Variants in BRD10 observed in about 807,000 individuals in gnomAD.
BRD10 encodes the protein bromodomain containing 10, also known as uncharacterized bromodomain-containing protein 10.
At chr9:5,898,503 TACAC>T in the BRD10 span, among the ~76,000 whole-genome samples, 1 of 152,196 alleles carries the variant, frequency 6.6e-6, no homozygotes, top group Non-Finnish European at 1.5e-5. Flanking sequence ...AAGTTTCCAA[TACAC>T]GAATTTTGGG....
chr9:5,947,248 C>T, the BRD10 span, among the ~76,000 whole-genome samples: 4 of 152,012 alleles, frequency 2.6e-5, no homozygotes, highest in Non-Finnish European at 5.9e-5. Context: ...CTTAATAAAA[C>T]AGTTTTTTGT....
the BRD10 span, among the ~76,000 whole-genome samples, chr9:5,914,407 ATGGTTTTTTTTTTTTT>A: frequency 1.9e-5 from 2 of 104,920 alleles, no homozygotes; most frequent in African/African-American, 6.7e-5. Flanking sequence ...ACAAATCCAG[ATGGTTTTTTTTTTTTT>A]TTTTTTTTTT....
chr9:6,007,471 C>G, the BRD10 span: 1 of 1,610,864 alleles, frequency 6.2e-7, no homozygotes, highest in Middle Eastern at 1.7e-4. Context: ...GGCAACGCCC[C>G]CCAAGGGCTG....
the BRD10 span, among the ~76,000 whole-genome samples, chr9:5,993,613 G>A: frequency 3.9e-5 from 6 of 152,114 alleles, no homozygotes; most frequent in African/African-American, 4.8e-5. Context: ...CCCAGAGAGC[G>A]GTGACTGTAG....
chr9:5,922,757 T>C, the BRD10 span: 1 of 1,613,898 alleles, frequency 6.2e-7, no homozygotes, highest in African/African-American at 1.3e-5. Flanking sequence ...TACAGAGCTA[T>C]TTTGAAGATC....
chr9:6,005,067 T>C, the BRD10 span, among the ~76,000 whole-genome samples: 24 of 152,316 alleles, frequency 1.6e-4, 1 homozygote, highest in African/African-American at 5.8e-4. Context: ...TAAACTACAA[T>C]GTTGTAAGTT....
chr9:5,977,028 T>C, the BRD10 span, among the ~76,000 whole-genome samples: 4 of 152,238 alleles, frequency 2.6e-5, no homozygotes, highest in African/African-American at 9.6e-5. Context: ...ATTTCACAAA[T>C]TATTTACCTG....
At chr9:5,963,345 C>T in the BRD10 span, among the ~76,000 whole-genome samples, 2 of 45,736 alleles carry the variant, frequency 4.4e-5, no homozygotes, top group Non-Finnish European at 1.1e-4. Flanking sequence ...ATCCAACTTA[C>T]AAGGGATGTG....
At chr9:6,001,999 T>C in the BRD10 span, among the ~76,000 whole-genome samples, 5 of 152,206 alleles carry the variant, frequency 3.3e-5, no homozygotes, top group Non-Finnish European at 7.4e-5. Flanking sequence ...TTTTAAACCT[T>C]TTAGATGTCC....
At chr9:5,996,728 T>A in the BRD10 span, among the ~76,000 whole-genome samples, 4 of 152,206 alleles carry the variant, frequency 2.6e-5, no homozygotes, top group Non-Finnish European at 4.4e-5. Flanking sequence ...AAGTTTTTAT[T>A]TACAGACAAA....
At chr9:5,923,013 G>A in the BRD10 span, 1 of 1,613,948 alleles carries the variant, frequency 6.2e-7, no homozygotes, top group Non-Finnish European at 8.5e-7. Flanking sequence ...GTAGACACTG[G>A]TACTGAATCC....
chr9:5,901,803 T>G, the BRD10 span, among the ~76,000 whole-genome samples: 2 of 152,216 alleles, frequency 1.3e-5, no homozygotes, highest in African/African-American at 4.8e-5. Flanking sequence ...ATTACAGGCG[T>G]GAGCCACCAC....
the BRD10 span, among the ~76,000 whole-genome samples, chr9:5,977,002 G>C: frequency 2.6e-5 from 4 of 152,198 alleles, no homozygotes; most frequent in East Asian, 1.9e-4. Context: ...CCAATATAAA[G>C]ATTGGTGATA....
At chr9:5,951,347 A>C in the BRD10 span, among the ~76,000 whole-genome samples, 6 of 151,900 alleles carry the variant, frequency 3.9e-5, no homozygotes, top group East Asian at 9.6e-4. Context: ...AAAACTTCAC[A>C]ATTTAACCCT....
At chr9:5,968,175 T>G in the BRD10 span, 1 of 1,609,126 alleles carries the variant, frequency 6.2e-7, no homozygotes, top group Admixed American at 1.7e-5. Flanking sequence ...TTTTTCTTTT[T>G]CTTCTTTTTT....
chr9:5,946,647 C>CT, the BRD10 span, among the ~76,000 whole-genome samples: 37,038 of 151,892 alleles, frequency 0.24, 4,684 homozygotes, highest in South Asian at 0.37. Context: ...GGCTATACCT[C>CT]TTTCACCGAA....
At chr9:6,007,328 T>C in the BRD10 span, 5 of 1,613,824 alleles carry the variant, frequency 3.1e-6, no homozygotes, top group Non-Finnish European at 4.2e-6. Flanking sequence ...AACTCGGTGA[T>C]GCCCCCGTAC....
At chr9:5,903,553 G>C in the BRD10 span, among the ~76,000 whole-genome samples, 3 of 152,082 alleles carry the variant, frequency 2.0e-5, no homozygotes, top group African/African-American at 7.2e-5. Flanking sequence ...TTTTTTACCT[G>C]CTGGCTTTGT....
chr9:5,930,737 G>C, the BRD10 span, among the ~76,000 whole-genome samples: 3 of 152,076 alleles, frequency 2.0e-5, no homozygotes, highest in African/African-American at 7.2e-5. Flanking sequence ...CCTCTTTCTT[G>C]TTAAATGTGT....
Sources: gnomAD v4.1 joint callset for allele counts (sites outside exome capture counted in the v4.1 genomes callset) on GRCh38, gnomAD v4.1.1 for gene constraint, MANE v1.5 for transcripts, NCBI Gene and HGNC (gene_info 2026-07-23, HGNC 2026-07-21) for gene names.